The following POLR2F variants were observed in gnomAD, a reference collection of about 807,000 sequenced individuals.
POLR2F encodes the protein RNA polymerase II, I and III subunit F.
POLR2F carries 12 observed loss-of-function variants against 22.7 expected under a neutral mutation model. That is an observed-to-expected ratio of 0.53 (90% CI 0.34 to 0.86). The LOEUF (loss-of-function observed/expected upper bound fraction) is 0.86. POLR2F is among the 40% of genes least tolerant of loss of function. POLR2F has a pLI of 0.02. For missense variants in POLR2F, 126 were observed against 171.5 expected (o/e 0.73, Z 1.48); for synonymous variants, 57 against 66.0 (o/e 0.86, Z 0.66).
chr22:37,975,265 C>A (rs975104085), intron 4 of POLR2F, among the ~76,000 whole-genome samples: 1 of 152,208 alleles, frequency 6.6e-6, no homozygotes, highest in African/African-American at 2.4e-5. Context: ...ATCCATAGAT[C>A]CACATGCACC....
At chr22:38,033,585 CTG>C (rs891269141) in intron 5 of POLR2F, among the ~76,000 whole-genome samples, 31 of 152,228 alleles carry the variant, frequency 2.0e-4, no homozygotes, top group African/African-American at 7.5e-4. Context: ...GGCACAGCCT[CTG>C]AGGCCAAGCC....
downstream of POLR2F, among the ~76,000 whole-genome samples, chr22:38,027,407 A>G (rs1463135599): frequency 1.3e-5 from 2 of 152,110 alleles, no homozygotes; most frequent in Non-Finnish European, 2.9e-5. Context: ...GAGCAGCTCA[A>G]GGAGGTCTCT....
rs1427820302 is a variant in POLR2F at position 37,986,247 on chromosome 22, T to A, written c.57T>A (p.Pro19=). 4.5e-6 allele frequency: 7 copies of A among 1,540,348 alleles called. No homozygotes were observed. In the Admixed American group the frequency reaches 1.4e-4, roughly 30 times the overall value. ...ATCTGCCGTCGTGTCCCGGCTGCCC[T>A]GCAGTCGCCTCCAACACCCGCTGCT... Residue 19 remains proline, a synonymous_variant, in exon 1 of 3, where the codon CCT becomes CCA. Coordinates refer to the POLR2F transcript ENST00000333418. This position sits in a 1 kb window ranked among gnomAD's most constrained non-coding sequence, Gnocchi z 4.7.
chr22:38,027,166 GA>G (rs1464875963), downstream of POLR2F, among the ~76,000 whole-genome samples: 5 of 152,190 alleles, frequency 3.3e-5, no homozygotes, highest in Non-Finnish European at 7.4e-5. Context: ...GCGTATGGGG[GA>G]TACACGTGGT....
intron 5 of POLR2F, chr22:38,032,632 CCT>C (rs2145832170): frequency 6.6e-6 from 1 of 152,374 alleles, no homozygotes; most frequent in African/African-American, 2.4e-5. Context: ...CTGTCCACAC[CCT>C]GATTGGGGAC....
In POLR2F at chr22:37,986,308, T is replaced by C. The variant is rs1932577125; in HGVS notation, c.118T>C (p.Ser40Pro). Residue 40 changes from serine to proline, a missense_variant, in exon 1 of 3, where the codon TCC becomes CCC. Transcript: ENST00000333418. The surrounding 1 kb of genome is among the most constrained non-coding windows in gnomAD (Gnocchi z 4.7). The stretch of plus-strand genomic sequence containing the variant: ...TGCCTGCCTGCCTGGCATCTCTCTC[T>C]CCCGGTGGGTCCCCACTCATCCTTC... 3 of 1,536,234 alleles carry C rather than the reference T, an allele frequency of 2.0e-6. No individual in the cohort carries two copies. Among genetic ancestry groups the C allele is most frequent in the Non-Finnish European group, 2.6e-6 (3 of 1,146,136 alleles).
At chr22:37,999,269 T>C (rs1328999237) in intron 1 of POLR2F, among the ~76,000 whole-genome samples, 1 of 152,132 alleles carries the variant, frequency 6.6e-6, no homozygotes, top group African/African-American at 2.4e-5. Flanking sequence ...CCCACTTGCC[T>C]GGCTCCAGGC....
At position 37,996,559 on chromosome 22, in the gene POLR2F, C is replaced by T. The variant is rs73886221; in HGVS notation, c.120+10247C>T. 8.7e-3 allele frequency among the ~76,000 whole-genome samples: 1,325 copies of T among 152,328 alleles called. 25 individuals carry two copies. Among genetic ancestry groups the T allele is most frequent in the African/African-American group, 0.031 (1,280 of 41,560 alleles). ...GGGCCTTGAGGCAGGAGGGATGGAG[C>T]GAGAGGGAGAGGGCACTGCCCACTT... On this transcript the variant is annotated intron_variant, in intron 1 of 2. Transcript: ENST00000333418.
chr22:37,960,652 C>T (rs370788324), intron 3 of POLR2F, among the ~76,000 whole-genome samples: 2 of 151,848 alleles, frequency 1.3e-5, no homozygotes, highest in African/African-American at 2.4e-5. Context: ...CCGCCCGCCT[C>T]GGCCTCCCAA....
At chr22:38,036,671 T>C (rs1206845060) in intron 5 of POLR2F, among the ~76,000 whole-genome samples, 1 of 151,870 alleles carries the variant, frequency 6.6e-6, no homozygotes, top group Non-Finnish European at 1.5e-5. Flanking sequence ...TCTCAGTTTC[T>C]GACCTTGACC....
At chr22:38,020,547 G>C (rs1031350056) in intron 1 of POLR2F, among the ~76,000 whole-genome samples, 2 of 151,252 alleles carry the variant, frequency 1.3e-5, no homozygotes, top group Non-Finnish European at 2.9e-5. Context: ...TGGGATTACA[G>C]GCATAAGCCA....
chr22:38,041,827 A>C (rs1469057250), downstream of POLR2F: 2 of 152,266 alleles, frequency 1.3e-5, no homozygotes, highest in Non-Finnish European at 2.9e-5. Flanking sequence ...CTCTGTGAAC[A>C]TGTGAAAACC....
chr22:37,959,316 T>C (rs745600229), intron 2 of POLR2F, 30 bp from the exon 3 acceptor site: 1 of 1,609,558 alleles, frequency 6.2e-7, no homozygotes, highest in Non-Finnish European at 8.5e-7. Flanking sequence ...GCCACCTGAG[T>C]CTTTCCCTCT....
Position 37,980,671 on chromosome 22 carries a change from A to G in POLR2F, c.293+13501A>G, listed in dbSNP as rs1411828418. ...GCCCCAAACCCCCAACTTCGCCTCC[A>G]GCTCTAACTCCAAACCCAGTCCTCA... On this transcript the variant is annotated intron_variant, in intron 4 of 4. Coordinates refer to the POLR2F transcript ENST00000405557. This position sits in a 1 kb window ranked among gnomAD's most constrained non-coding sequence, Gnocchi z 4.1. Among the ~76,000 whole-genome samples, 1 of 152,110 alleles carries G rather than the reference A, an allele frequency of 6.6e-6. No homozygotes were observed. The highest frequency in any genetic ancestry group is 1.5e-5 in the Non-Finnish European group (1 of 67,998).
At chr22:37,983,847 T>C (rs886057496), upstream of POLR2F, 62 of 1,305,584 alleles carry the variant, frequency 4.7e-5, no homozygotes, top group Non-Finnish European at 5.7e-5. This position sits in a 1 kb window ranked among gnomAD's most constrained non-coding sequence, Gnocchi z 9.5. Context: ...GCCGGGGTCC[T>C]CGCAAAGAGT....
chr22:38,009,332 G>T (rs941223255), intron 1 of POLR2F, among the ~76,000 whole-genome samples: 1 of 152,182 alleles, frequency 6.6e-6, no homozygotes, highest in African/African-American at 2.4e-5. Flanking sequence ...GCCTGAGGGG[G>T]TCAAAGCAGA....
At chr22:37,998,175 G>A (rs150000271) in intron 1 of POLR2F, among the ~76,000 whole-genome samples, 2 of 152,332 alleles carry the variant, frequency 1.3e-5, no homozygotes, top group East Asian at 3.9e-4. Context: ...TGGGGGTGGG[G>A]CAGGGGCAGG....
At position 37,986,776 on chromosome 22, in the gene POLR2F, C is replaced by G; in HGVS notation, c.120+464C>G. The G allele has an allele frequency of 2.1e-6, 1 of 465,796 alleles. No individual in the cohort carries two copies. 28.9% of individuals were successfully genotyped at this position (465,796 alleles called of 1,614,324 possible). A position where few individuals can be genotyped will look rare whatever the true frequency, so the allele number is the denominator to read the frequency against. ...TTGGGGCCCCTGCTGCGAACACATC[C>G]CTGCCCACCATGCTGGCAACTGGGA... On this transcript the variant is annotated intron_variant, in intron 1 of 2. Transcript: ENST00000333418. This position sits in a 1 kb window ranked among gnomAD's most constrained non-coding sequence, Gnocchi z 4.7.
Position 37,978,014 on chromosome 22 carries a change from C to T in POLR2F, c.293+10844C>T, listed in dbSNP as rs747825443. On this transcript the variant is annotated intron_variant, in intron 4 of 4. Coordinates refer to the POLR2F transcript ENST00000405557. The surrounding 1 kb of genome is among the most constrained non-coding windows in gnomAD (Gnocchi z 5.0). ...CCGGGGCACTCCGCCTCGCCCTGGG[C>T]GGCCTTCCCGTTCTTCCGCCGCCTG... 38 of 1,611,522 alleles carry T rather than the reference C, an allele frequency of 2.4e-5. No homozygotes were observed. Among genetic ancestry groups the T allele is most frequent in the Middle Eastern group, 1.7e-4 (1 of 6,052 alleles).
Sources: gnomAD v4.1 joint callset for allele counts (sites outside exome capture counted in the v4.1 genomes callset) on GRCh38, gnomAD v4.1.1 for gene constraint, Gnocchi (gnomAD v3.1) non-coding constraint, MANE v1.5 for transcripts, NCBI Gene and HGNC (gene_info 2026-07-23, HGNC 2026-07-21) for gene names.